The following LSAMP variants were observed in gnomAD, a reference collection of about 807,000 sequenced individuals.
LSAMP encodes the protein limbic system associated membrane protein.
A neutral mutation model predicts 38.6 loss-of-function variants in LSAMP; 7 were observed. The ratio of observed to expected loss-of-function variants is 0.18; its 90% CI spans 0.10 to 0.34. LSAMP has a LOEUF of 0.34. Among genes scored for constraint, LSAMP ranks in the 10% least tolerant of loss-of-function variants. The pLI is 1.00. For missense variants in LSAMP, 313 were observed against 420.0 expected (o/e 0.75, Z 2.23); for synonymous variants, 154 against 166.8 (o/e 0.92, Z 0.59).
At chr3:116,311,355 A>C (rs1207106783) in intron 1 of LSAMP, among the ~76,000 whole-genome samples, 1 of 151,912 alleles carries the variant, frequency 6.6e-6, no homozygotes, top group Non-Finnish European at 1.5e-5. Context: ...TTTCTTTTTA[A>C]TTTACAAATT....
chr3:116,163,993 A>G (rs1709968996), intron 1 of LSAMP, among the ~76,000 whole-genome samples: 1 of 145,916 alleles, frequency 6.9e-6, no homozygotes, highest in African/African-American at 2.5e-5. Context: ...AGACAGATTC[A>G]TAGCTGAGGT....
chr3:116,313,061 C>A (rs2047579793), intron 1 of LSAMP, among the ~76,000 whole-genome samples: 1 of 152,120 alleles, frequency 6.6e-6, no homozygotes, highest in Non-Finnish European at 1.5e-5. Flanking sequence ...CTGATGAAGA[C>A]CCCATAGCAC....
intron 1 of LSAMP, among the ~76,000 whole-genome samples, chr3:116,148,577 G>A (rs866455882): frequency 7.9e-5 from 12 of 152,070 alleles, no homozygotes; most frequent in African/African-American, 2.2e-4. Flanking sequence ...TATTGAACCC[G>A]TAATAAGTTC....
chr3:116,335,924 A>C (rs2047914971), intron 1 of LSAMP, among the ~76,000 whole-genome samples: 1 of 152,066 alleles, frequency 6.6e-6, no homozygotes, highest in South Asian at 2.1e-4. Flanking sequence ...ATAAAGTAAA[A>C]AAATTATAAG....
chr3:116,332,515 T>C (rs2047864413), intron 1 of LSAMP, among the ~76,000 whole-genome samples: 1 of 151,974 alleles, frequency 6.6e-6, no homozygotes, highest in Non-Finnish European at 1.5e-5. Context: ...GAGAAAGGAA[T>C]TTAACATTTC....
At chr3:116,209,055 C>T (rs893211842) in intron 1 of LSAMP, among the ~76,000 whole-genome samples, 13 of 152,318 alleles carry the variant, frequency 8.5e-5, no homozygotes, top group African/African-American at 3.1e-4. Context: ...CAGCGAGACT[C>T]CTTGGGGGTA....
At chr3:115,986,863 G>A (rs1041637201) in intron 3 of LSAMP, among the ~76,000 whole-genome samples, 16 of 152,106 alleles carry the variant, frequency 1.1e-4, no homozygotes, top group Non-Finnish European at 1.5e-4. Context: ...TTTTCCCAGG[G>A]AGCCTCATTC....
At chr3:116,383,935 G>C (rs2048593221) in intron 1 of LSAMP, among the ~76,000 whole-genome samples, 1 of 152,114 alleles carries the variant, frequency 6.6e-6, no homozygotes, top group Non-Finnish European at 1.5e-5. Context: ...TGGCTCATTA[G>C]TGTATTGGTG....
At chr3:116,340,529 A>C (rs1393260030) in intron 1 of LSAMP, among the ~76,000 whole-genome samples, 1 of 152,034 alleles carries the variant, frequency 6.6e-6, no homozygotes, top group Non-Finnish European at 1.5e-5. Flanking sequence ...GAGATATTTT[A>C]TTGAAATGCT....
At chr3:116,436,345 A>T (rs566823099) in intron 1 of LSAMP, among the ~76,000 whole-genome samples, 21 of 152,334 alleles carry the variant, frequency 1.4e-4, no homozygotes, top group African/African-American at 4.8e-4. Flanking sequence ...AAAGATAAAT[A>T]GCTGGGACCT....
intron 1 of LSAMP, among the ~76,000 whole-genome samples, chr3:116,248,477 A>ATATG (rs2046631426): frequency 7.1e-6 from 1 of 140,978 alleles, no homozygotes; most frequent in African/African-American, 2.8e-5. Context: ...CCTGTCTCTA[A>ATATG]TGTGTGTGTG....
intron 1 of LSAMP, among the ~76,000 whole-genome samples, chr3:116,373,215 ATG>A (rs2048453387): frequency 6.6e-6 from 1 of 151,150 alleles, no homozygotes; most frequent in South Asian, 2.1e-4. Flanking sequence ...TTTTATATAT[ATG>A]TATATATATA....
intron 1 of LSAMP, among the ~76,000 whole-genome samples, chr3:116,438,713 T>G (rs1462814274): frequency 6.6e-6 from 1 of 152,144 alleles, no homozygotes; most frequent in Non-Finnish European, 1.5e-5. Flanking sequence ...AAAAACAACT[T>G]AGAACAGTTC....
intron 3 of LSAMP, among the ~76,000 whole-genome samples, chr3:115,970,584 G>T (rs1195730271): frequency 6.6e-6 from 1 of 152,086 alleles, no homozygotes; most frequent in Non-Finnish European, 1.5e-5. Context: ...GGACATTTGT[G>T]CTAATGAGGT....
intron 3 of LSAMP, among the ~76,000 whole-genome samples, chr3:115,916,761 TTAAAG>T: frequency 6.6e-6 from 1 of 152,326 alleles, no homozygotes; most frequent in South Asian, 2.1e-4. Context: ...GATGGGAAAA[TTAAAG>T]CTGTGAGATT....
intron 3 of LSAMP, among the ~76,000 whole-genome samples, chr3:116,004,594 C>T (rs1332319615): frequency 6.7e-6 from 1 of 149,794 alleles, no homozygotes; most frequent in African/African-American, 2.5e-5. Flanking sequence ...GGTTTGATGT[C>T]TATATATACA....
chr3:115,905,897 G>A (rs1319629215), intron 3 of LSAMP, among the ~76,000 whole-genome samples: 1 of 152,048 alleles, frequency 6.6e-6, no homozygotes, highest in Non-Finnish European at 1.5e-5. Context: ...GGGAATTACT[G>A]GGTATTCCTA....
intron 1 of LSAMP, among the ~76,000 whole-genome samples, chr3:116,181,910 AG>A (rs1273014864): frequency 6.6e-6 from 1 of 152,022 alleles, no homozygotes; most frequent in Non-Finnish European, 1.5e-5. Flanking sequence ...ATTTTGATAA[AG>A]ATCACCCAGG....
At chr3:116,302,434 TA>T (rs1252696890) in intron 1 of LSAMP, among the ~76,000 whole-genome samples, 6 of 152,326 alleles carry the variant, frequency 3.9e-5, no homozygotes, top group African/African-American at 1.2e-4. Flanking sequence ...TAATCACCTC[TA>T]AAAACTCCAC....
Sources: gnomAD v4.1 joint callset for allele counts (sites outside exome capture counted in the v4.1 genomes callset) on GRCh38, gnomAD v4.1.1 for gene constraint, MANE v1.5 for transcripts, NCBI Gene and HGNC (gene_info 2026-07-23, HGNC 2026-07-21) for gene names.